Variants in SORBS2 observed in about 807,000 individuals in gnomAD.
SORBS2 encodes sorbin and SH3 domain-containing protein 2.
A neutral mutation model predicts 97.7 loss-of-function variants in SORBS2; 46 were observed. The ratio of observed to expected loss-of-function variants is 0.47; its 90% CI spans 0.37 to 0.60. The LOEUF (loss-of-function observed/expected upper bound fraction) is 0.60, where lower values mean the gene tolerates loss of function less well. SORBS2 is among the 20% of genes least tolerant of loss of function. The pLI is 0.00. For missense variants in SORBS2, 1,316 were observed against 1,282.3 expected (o/e 1.03, Z -0.40); for synonymous variants, 476 against 473.4 (o/e 1.01, Z -0.07).
chr4:185,785,901 A>T (rs1277179805), intron 1 of SORBS2, among the ~76,000 whole-genome samples: 5 of 152,198 alleles, frequency 3.3e-5, no homozygotes, highest in Admixed American at 3.3e-4. Context: ...ATCGTTCATT[A>T]CCTTAAAGCA....
intron 5 of SORBS2, among the ~76,000 whole-genome samples, chr4:185,629,004 A>G (rs553267602): frequency 1.3e-5 from 2 of 152,356 alleles, no homozygotes; most frequent in East Asian, 3.9e-4. Context: ...TAGCAACAGC[A>G]GCAACCCCAG....
rs963919280 is a variant in SORBS2, at chr4:185,747,099, A to G, written c.-198+28128T>C. Among the ~76,000 whole-genome samples, 9 of 152,262 alleles carry G rather than the reference A, an allele frequency of 5.9e-5. No homozygotes were observed. The East Asian group carries it at 1.5e-3, about 26-fold the overall frequency. On this transcript the variant is annotated intron_variant, in intron 2 of 20. Transcript: ENST00000284776. ...CTTGTCTCGAAACAAAAAAGGAGGA[A>G]ATTTGGACACACAAAAAAGACACCA...
intron 1 of SORBS2, among the ~76,000 whole-genome samples, chr4:185,885,494 A>G (rs1040059648): frequency 5.3e-5 from 8 of 152,252 alleles, no homozygotes; most frequent in African/African-American, 1.9e-4. Flanking sequence ...CATAGACTCC[A>G]TTCACTTTTT....
At chr4:185,782,840 C>T (rs1340375418) in intron 1 of SORBS2, among the ~76,000 whole-genome samples, 1 of 152,204 alleles carries the variant, frequency 6.6e-6, no homozygotes, top group Non-Finnish European at 1.5e-5. Flanking sequence ...TAGGAGAGGG[C>T]TTGGTCTTCA....
chr4:185,647,628 C>T (rs1344342558), intron 3 of SORBS2, among the ~76,000 whole-genome samples: 1 of 152,190 alleles, frequency 6.6e-6, no homozygotes. Context: ...ATTCTTGCTC[C>T]ATGGCCCGTT....
intron 2 of SORBS2, among the ~76,000 whole-genome samples, chr4:185,728,197 A>C (rs965392684): frequency 6.6e-6 from 1 of 152,138 alleles, no homozygotes; most frequent in African/African-American, 2.4e-5. Flanking sequence ...ATGCAAAACC[A>C]GTGACTGTGC....
At chr4:185,926,015 A>C (rs11723991) in intron 1 of SORBS2, among the ~76,000 whole-genome samples, 31,317 of 152,186 alleles carry the variant, frequency 0.21, 4,310 homozygotes, top group Non-Finnish European at 0.29. Flanking sequence ...AGGGAACAGC[A>C]CACACAGACT....
At chr4:185,893,229 T>C (rs1561275270) in intron 1 of SORBS2, among the ~76,000 whole-genome samples, 1 of 152,194 alleles carries the variant, frequency 6.6e-6, no homozygotes, top group Non-Finnish European at 1.5e-5. Context: ...TGGATTGTCT[T>C]CTGCTGCCCT....
intron 1 of SORBS2, among the ~76,000 whole-genome samples, chr4:185,907,536 T>C (rs2099251722): frequency 6.6e-6 from 1 of 152,240 alleles, no homozygotes; most frequent in Non-Finnish European, 1.5e-5. Context: ...TTAGCTGTTT[T>C]TCTGGAGAGC....
intron 4 of SORBS2, chr4:185,666,249 A>G: frequency 2.9e-6 from 3 of 1,044,336 alleles, no homozygotes; most frequent in Non-Finnish European, 3.9e-6. Flanking sequence ...TTATCCAATT[A>G]ACAAAAGTAC....
chr4:185,596,041 G>T (rs1244645615), intron 12 of SORBS2, among the ~76,000 whole-genome samples: 6 of 152,082 alleles, frequency 3.9e-5, no homozygotes, highest in Non-Finnish European at 8.8e-5. Flanking sequence ...AGCACCATTT[G>T]CAGTGCATAA....
rs2096437440 is a variant in SORBS2 at position 185,606,961 on chromosome 4, T to G, written c.2796+4819A>C. 2.0e-6 allele frequency: 2 copies of G among 993,162 alleles called. No homozygotes were observed. Among genetic ancestry groups the G allele is most frequent in the South Asian group, 9.0e-5 (2 of 22,266 alleles). The allele number at this position is 993,162 out of a possible 1,614,324, so 61.5% of individuals were successfully genotyped here. On this transcript the variant is annotated intron_variant, in intron 12 of 14. Coordinates refer to ENST00000418609, the Ensembl canonical transcript of SORBS2. This position sits in a 1 kb window ranked among gnomAD's most constrained non-coding sequence, Gnocchi z 4.3. ...TTTTCTCAACTCTGCAAAGTTGCTT[T>G]GAGTTGTCGTTCTGGGATCCTGAAG...
chr4:185,716,885 C>T (rs2098470014), intron 2 of SORBS2, among the ~76,000 whole-genome samples: 1 of 152,106 alleles, frequency 6.6e-6, no homozygotes, highest in Non-Finnish European at 1.5e-5. Flanking sequence ...GACAGATGTC[C>T]CTTTACAGAA....
chr4:185,815,414 T>C (rs1488917790), intron 1 of SORBS2, among the ~76,000 whole-genome samples: 1 of 152,132 alleles, frequency 6.6e-6, no homozygotes, highest in Non-Finnish European at 1.5e-5. Context: ...CACTAACATA[T>C]AAAGGGAACC....
chr4:185,858,007 G>C (rs753321570), intron 1 of SORBS2, among the ~76,000 whole-genome samples: 1 of 152,056 alleles, frequency 6.6e-6, no homozygotes, highest in Non-Finnish European at 1.5e-5. Flanking sequence ...TGTGATCTCT[G>C]TGACCTACTC....
intron 1 of SORBS2, among the ~76,000 whole-genome samples, chr4:185,820,880 G>A (rs186230208): frequency 3.9e-5 from 6 of 152,216 alleles, no homozygotes; most frequent in African/African-American, 1.2e-4. Context: ...CTGGGCTGTG[G>A]AGGATACAGA....
chr4:185,784,737 G>A (rs1041536111), intron 1 of SORBS2, among the ~76,000 whole-genome samples: 21 of 152,290 alleles, frequency 1.4e-4, no homozygotes, highest in African/African-American at 4.8e-4. Flanking sequence ...CTGCCATTAA[G>A]ATATTAGTTA....
intron 2 of SORBS2, among the ~76,000 whole-genome samples, chr4:185,715,387 T>A (rs2098457368): frequency 6.6e-6 from 1 of 151,664 alleles, no homozygotes; most frequent in African/African-American, 2.4e-5. Context: ...GATAGTAAAG[T>A]TGAGAAAAGC....
At chr4:185,626,154 C>T (rs368451901) in intron 6 of SORBS2, among the ~76,000 whole-genome samples, 1 of 152,164 alleles carries the variant, frequency 6.6e-6, no homozygotes, top group African/African-American at 2.4e-5. Flanking sequence ...ACAGTGAGCT[C>T]CCTACACTTG....
Sources: allele counts gnomAD v4.1 joint callset (sites outside exome capture counted in the v4.1 genomes callset), GRCh38; gene constraint gnomAD v4.1.1; non-coding constraint Gnocchi (gnomAD v3.1); transcripts MANE v1.5; gene names NCBI Gene and HGNC (gene_info 2026-07-23, HGNC 2026-07-21).